ZC4H2: variants seen among roughly 807,000 people sequenced by gnomAD.
ZC4H2 encodes the protein zinc finger C4H2 domain-containing protein.
For synonymous variants in ZC4H2, 84 were observed against 66.3 expected (o/e 1.27, Z -1.30); for missense variants, 137 against 173.9 (o/e 0.79, Z 1.19).
intron 1 of ZC4H2, among the ~76,000 whole-genome samples, chrX:64,971,193 T>C (rs1224558652): frequency 1.8e-5 from 2 of 112,539 alleles, no homozygotes; most frequent in African/African-American, 6.5e-5. Flanking sequence ...AAGATTGTCA[T>C]ACACAATGAA....
chrX:64,925,270 A>G (rs1200162306), intron 1 of ZC4H2, among the ~76,000 whole-genome samples: 1 of 111,675 alleles, frequency 9.0e-6, no homozygotes, highest in Non-Finnish European at 1.9e-5. Flanking sequence ...TTAGTGGGAG[A>G]ATGGGAAGGG....
intron 1 of ZC4H2, among the ~76,000 whole-genome samples, chrX:64,958,436 A>C (rs764875097): frequency 1.8e-5 from 2 of 111,814 alleles, no homozygotes; most frequent in South Asian, 7.4e-4. Flanking sequence ...TGTGTATATA[A>C]AAATTGTTAT....
intron 1 of ZC4H2, among the ~76,000 whole-genome samples, chrX:64,939,005 T>C (rs1806634957): frequency 8.9e-6 from 1 of 112,081 alleles, no homozygotes; most frequent in African/African-American, 3.2e-5. Context: ...ATTGTCTCTA[T>C]TTGCAGATGA....
chrX:64,989,841 A>G lies in ZC4H2; in HGVS notation c.-272+44788T>C, dbSNP rs564724375. The stretch of plus-strand genomic sequence containing the variant: ...CCACAATGCAATATCGCTATAACCT[A>G]TCAGAAAGACTAAAATTAAAAAATG... On this transcript the variant is annotated intron_variant, in intron 1 of 4. Coordinates refer to the ZC4H2 transcript ENST00000337990. Among the ~76,000 whole-genome samples the G allele has an allele frequency of 8.0e-5, 9 of 112,193 alleles. No individual in the cohort carries two copies. In the South Asian group the frequency reaches 1.9e-3, roughly 23 times the overall value.
At chrX:65,019,452 T>C (rs1030717045) in intron 1 of ZC4H2, among the ~76,000 whole-genome samples, 1 of 111,964 alleles carries the variant, frequency 8.9e-6, no homozygotes, top group African/African-American at 3.2e-5. Context: ...GGCCTGACTG[T>C]TAGAAGGAAA....
At chrX:64,940,189 T>A (rs1930206635) in intron 1 of ZC4H2, among the ~76,000 whole-genome samples, 1 of 112,212 alleles carries the variant, frequency 8.9e-6, no homozygotes, top group Non-Finnish European at 1.9e-5. Context: ...ATATGTTTGT[T>A]GGCCACATAA....
intron 1 of ZC4H2, among the ~76,000 whole-genome samples, chrX:64,925,315 G>A (rs1929381479): frequency 8.9e-6 from 1 of 112,039 alleles, no homozygotes; most frequent in Admixed American, 9.5e-5. Flanking sequence ...TGGGTACAAT[G>A]TTCACTATTT....
At chrX:65,028,731 C>A (rs1218196564) in intron 1 of ZC4H2, among the ~76,000 whole-genome samples, 1 of 111,119 alleles carries the variant, frequency 9.0e-6, no homozygotes, top group African/African-American at 3.3e-5. Flanking sequence ...AGGGTTTCAC[C>A]ATGTTGGCCA....
chrX:64,999,727 C>T (rs890928304), intron 1 of ZC4H2, among the ~76,000 whole-genome samples: 1 of 112,200 alleles, frequency 8.9e-6, no homozygotes, highest in Non-Finnish European at 1.9e-5. Flanking sequence ...AGTCTGAAGT[C>T]GACCTGGGGC....
chrX:64,938,033 G>T (rs1930095967), intron 1 of ZC4H2, among the ~76,000 whole-genome samples: 1 of 111,748 alleles, frequency 8.9e-6, no homozygotes, highest in Non-Finnish European at 1.9e-5. Context: ...TAGATAGTCT[G>T]CTAGCCAGAC....
At chrX:64,988,837 A>G (rs1257990476) in intron 1 of ZC4H2, among the ~76,000 whole-genome samples, 1 of 111,169 alleles carries the variant, frequency 9.0e-6, no homozygotes, top group Non-Finnish European at 1.9e-5. Flanking sequence ...GTTTTCTTCT[A>G]GGGTTTTTAT....
intron 1 of ZC4H2, among the ~76,000 whole-genome samples, chrX:65,023,487 C>T (rs1464796671): frequency 1.8e-5 from 2 of 111,428 alleles, no homozygotes; most frequent in Non-Finnish European, 3.8e-5. Context: ...ATTTATGCAG[C>T]CAACAAACAT....
intron 1 of ZC4H2, chrX:64,965,327 T>C (rs779957114): frequency 2.4e-4 from 47 of 195,593 alleles, no homozygotes; most frequent in Non-Finnish European, 4.2e-4. Context: ...GGCATAAAGA[T>C]ACACAAATAA....
intron 1 of ZC4H2, among the ~76,000 whole-genome samples, chrX:65,011,144 G>A (rs887556630): frequency 1.8e-5 from 2 of 111,817 alleles, no homozygotes; most frequent in Admixed American, 9.5e-5. Context: ...CCAAGCATAA[G>A]GCAAAGAGCT....
At chrX:64,983,383 GT>G (rs1212907599) in intron 1 of ZC4H2, among the ~76,000 whole-genome samples, 5 of 111,564 alleles carry the variant, frequency 4.5e-5, no homozygotes, top group African/African-American at 1.6e-4. Context: ...TTACCTCCTT[GT>G]TTTCCATCAT....
intron 1 of ZC4H2, among the ~76,000 whole-genome samples, chrX:65,018,321 T>C (rs754149287): frequency 8.9e-6 from 1 of 112,490 alleles, no homozygotes; most frequent in Admixed American, 9.4e-5. Flanking sequence ...CATTTCCAAC[T>C]GAGGCACCTG....
intron 1 of ZC4H2, among the ~76,000 whole-genome samples, chrX:64,945,768 A>G (rs1930499769): frequency 9.0e-6 from 1 of 110,585 alleles, no homozygotes; most frequent in Admixed American, 9.6e-5. Flanking sequence ...TTTTCCCGAG[A>G]CGCCCTGCCC....
rs771517754 is a variant in ZC4H2, at chrX:64,928,994, T to C, written c.54-7006A>G. Reference sequence around the variant, plus strand: ...ACCTCCACCTCTCAGGCTCAAGCAATTCTCATGCCTCAGCCTCCCAAATAC... The same window carrying C: ...ACCTCCACCTCTCAGGCTCAAGCAACTCTCATGCCTCAGCCTCCCAAATAC... On this transcript the variant is annotated intron_variant, in intron 1 of 4. Coordinates refer to ENST00000374839, the MANE Select transcript of ZC4H2 (RefSeq NM_018684.4). 3.7e-5 allele frequency among the ~76,000 whole-genome samples: 4 copies of C among 106,696 alleles called. No individual in the cohort carries two copies. In the East Asian group the frequency reaches 1.2e-3, roughly 32 times the overall value. The allele number at this position is 106,696 out of a possible 115,157, so 92.7% of individuals were successfully genotyped here. A position where few individuals can be genotyped will look rare whatever the true frequency, so the allele number is the denominator to read the frequency against.
chrX:65,000,375 G>C (rs972964688), intron 1 of ZC4H2, among the ~76,000 whole-genome samples: 2 of 111,891 alleles, frequency 1.8e-5, no homozygotes, highest in East Asian at 5.6e-4. Flanking sequence ...CAAAAAGAAA[G>C]GAATAGCATC....
Sources: allele counts gnomAD v4.1 joint callset (sites outside exome capture counted in the v4.1 genomes callset), GRCh38; gene constraint gnomAD v4.1.1; transcripts MANE v1.5; gene names NCBI Gene and HGNC (gene_info 2026-07-23, HGNC 2026-07-21).